Variants in MALRD1 observed in about 807,000 individuals in gnomAD.
MALRD1 encodes the protein MAM and LDL-receptor class A domain-containing protein 1.
MALRD1 carries 247 observed loss-of-function variants against 242.1 expected under a neutral mutation model. The observed-to-expected ratio is 1.02, with a 90% CI of 0.92 to 1.13. The LOEUF is 1.13. MALRD1 is among the 50% of genes most tolerant of loss of function. MALRD1 has a pLI of 0.00. For missense variants in MALRD1, 2,989 were observed against 2,533.1 expected (o/e 1.18, Z -3.86); for synonymous variants, 995 against 866.6 (o/e 1.15, Z -2.60).
intron 36 of MALRD1, among the ~76,000 whole-genome samples, chr10:19,678,173 A>T (rs907165216): frequency 6.6e-6 from 1 of 152,010 alleles, no homozygotes; most frequent in African/African-American, 2.4e-5. Context: ...TTTCCATATG[A>T]ATTTTAAGGT....
At chr10:19,631,485 T>C (rs1839903151) in intron 36 of MALRD1, among the ~76,000 whole-genome samples, 1 of 152,166 alleles carries the variant, frequency 6.6e-6, no homozygotes, top group African/African-American at 2.4e-5. Context: ...GGTAGGACAA[T>C]TTATATTCCT....
At position 19,359,415 on chromosome 10, in the gene MALRD1, A is replaced by AT. The variant is rs1844790237; in HGVS notation, c.4441+7120dup. 4.6e-5 allele frequency among the ~76,000 whole-genome samples: 7 copies of AT among 152,270 alleles called. 1 individual carries two copies. Among genetic ancestry groups the AT allele is most frequent in the Admixed American group, 4.6e-4 (7 of 15,262 alleles). On this transcript the variant is annotated intron_variant, in intron 26 of 39. Coordinates refer to ENST00000454679, the MANE Select transcript of MALRD1 (RefSeq NM_001142308.3). ...AAGTTCCATTCCAAATACAAGTTCC[A>AT]TTCCAAACTGGTAGACAAAGACGTT...
intron 22 of MALRD1, among the ~76,000 whole-genome samples, chr10:19,326,408 A>G (rs187464890): frequency 3.9e-4 from 59 of 152,216 alleles, no homozygotes; most frequent in African/African-American, 1.2e-3. Flanking sequence ...TCAATGCCTT[A>G]TTTTTGTGCA....
At chr10:19,308,505 A>G (rs1338769853) in intron 21 of MALRD1, among the ~76,000 whole-genome samples, 1 of 151,548 alleles carries the variant, frequency 6.6e-6, no homozygotes. Flanking sequence ...AACTTGGCCT[A>G]GGGGGAGTCT....
At position 19,729,283 on chromosome 10, in the gene MALRD1, G is replaced by A. The variant is rs372965897; in HGVS notation, c.6315-1423G>A. On this transcript the variant is annotated intron_variant, in intron 38 of 39. Coordinates refer to ENST00000454679, the MANE Select transcript of MALRD1 (RefSeq NM_001142308.3). Reference sequence around the variant, plus strand: ...TTATGCCTATGGCAATTTGTTTTCAGAAATCAAATCAGTAAGAGCCCCCTT... The same window carrying A: ...TTATGCCTATGGCAATTTGTTTTCAAAAATCAAATCAGTAAGAGCCCCCTT... Among the ~76,000 whole-genome samples the A allele has an allele frequency of 1.4e-4, 21 of 152,294 alleles. No homozygotes were observed. The East Asian group carries it at 3.7e-3, about 27-fold the overall frequency.
In MALRD1 at chr10:19,632,960, G is replaced by A. The variant is rs569802053; in HGVS notation, c.6137+17037G>A. On this transcript the variant is annotated intron_variant, in intron 36 of 39. Transcript: ENST00000454679. ...GAGAGTGGACTTCTGGGCCAGGCACGGTGGCTCATGCCTGAAATCCCAACA... is the reference window on the plus strand; with the variant it reads ...GAGAGTGGACTTCTGGGCCAGGCACAGTGGCTCATGCCTGAAATCCCAACA... Among the ~76,000 whole-genome samples the A allele has an allele frequency of 1.4e-4, 21 of 152,224 alleles. No individual in the cohort carries two copies. The East Asian group carries it at 2.9e-3, about 21-fold the overall frequency.
chr10:19,391,661 A>T (rs374654963), intron 28 of MALRD1, among the ~76,000 whole-genome samples: 1 of 152,196 alleles, frequency 6.6e-6, no homozygotes, highest in African/African-American at 2.4e-5. Flanking sequence ...GGAAGACTCG[A>T]CCTTTTGCAG....
At chr10:19,052,466 A>G (rs1834537672) in intron 1 of MALRD1, among the ~76,000 whole-genome samples, 1 of 152,186 alleles carries the variant, frequency 6.6e-6, no homozygotes, top group South Asian at 2.1e-4. Context: ...GTGTATTTAA[A>G]TTGATTCCCA....
At chr10:19,305,747 A>C (rs902763031) in intron 21 of MALRD1, among the ~76,000 whole-genome samples, 3 of 145,848 alleles carry the variant, frequency 2.1e-5, no homozygotes, top group Non-Finnish European at 3.0e-5. Context: ...AATTCTATAT[A>C]CAGAGAGTAT....
chr10:19,246,180 C>G (rs569789929), intron 18 of MALRD1, among the ~76,000 whole-genome samples: 1 of 152,270 alleles, frequency 6.6e-6, no homozygotes, highest in South Asian at 2.1e-4. Context: ...TCTCCCTCTA[C>G]TTTATCTGCT....
rs1293649060 is a variant in MALRD1, at chr10:19,389,979, T to A, written c.4845+370T>A. Among the ~76,000 whole-genome samples, 7 of 152,282 alleles carry A rather than the reference T, an allele frequency of 4.6e-5. No individual in the cohort carries two copies. The South Asian group carries it at 1.2e-3, about 27-fold the overall frequency. On this transcript the variant is annotated intron_variant, in intron 28 of 39. Transcript: ENST00000454679. ...ACCTGGCCCCTCTCTATAGGTGGCA[T>A]GTGGCCTGAGGGAGTTGACTTGGCT...
intron 5 of MALRD1, among the ~76,000 whole-genome samples, chr10:19,106,919 C>A (rs566408321): frequency 4.6e-5 from 7 of 151,816 alleles, no homozygotes; most frequent in Non-Finnish European, 8.8e-5. Context: ...GATTAATTTT[C>A]ATGTATTTGT....
chr10:19,184,734 G>C (rs1380523978), intron 14 of MALRD1, among the ~76,000 whole-genome samples: 1 of 152,112 alleles, frequency 6.6e-6, no homozygotes, highest in Non-Finnish European at 1.5e-5. Context: ...TTTTAGTGGA[G>C]ATGGGGTTTT....
chr10:19,232,811 C>G (rs996753825), intron 18 of MALRD1, among the ~76,000 whole-genome samples: 7 of 151,960 alleles, frequency 4.6e-5, no homozygotes, highest in Non-Finnish European at 1.0e-4. Context: ...ATATGTGTCC[C>G]CCACCCCAAC....
At chr10:19,576,459 C>T (rs1036510806) in intron 33 of MALRD1, among the ~76,000 whole-genome samples, 1 of 152,112 alleles carries the variant, frequency 6.6e-6, no homozygotes, top group Admixed American at 6.6e-5. Flanking sequence ...CAACAATAAA[C>T]CCTCCATGTA....
At chr10:19,099,816 C>T (rs1462579044) in intron 4 of MALRD1, among the ~76,000 whole-genome samples, 3 of 150,814 alleles carry the variant, frequency 2.0e-5, no homozygotes, top group Non-Finnish European at 2.9e-5. Context: ...CCCAGGTTGG[C>T]ATACAGTGGC....
rs572027455 is a variant in MALRD1 at position 19,200,536 on chromosome 10, A to G, written c.1952-3192A>G. Among the ~76,000 whole-genome samples, 8 of 152,006 alleles carry G rather than the reference A, an allele frequency of 5.3e-5. No individual in the cohort carries two copies. The East Asian group carries it at 1.5e-3, about 29-fold the overall frequency. Reference sequence around the variant, plus strand: ...TACACTTCATGTTTATTCCTTACCAACAAACCTCGGTAGAATCATACTGAA... The same window carrying G: ...TACACTTCATGTTTATTCCTTACCAGCAAACCTCGGTAGAATCATACTGAA... On this transcript the variant is annotated intron_variant, in intron 14 of 39. Coordinates refer to ENST00000454679, the MANE Select transcript of MALRD1 (RefSeq NM_001142308.3).
intron 38 of MALRD1, among the ~76,000 whole-genome samples, chr10:19,694,962 T>C (rs1223461186): frequency 1.3e-5 from 2 of 152,100 alleles, no homozygotes; most frequent in African/African-American, 4.8e-5. Context: ...CTCAGCAAAC[T>C]ACCACAAGGA....
chr10:19,068,163 A>C lies in MALRD1; in HGVS notation c.340+1304A>C, dbSNP rs150021873. ...TTTTACTCAGAAGGCTTTTTACAGC[A>C]CATATTTATTTACTGTAGACTTTTG... On this transcript the variant is annotated intron_variant, in intron 2 of 39. Coordinates refer to ENST00000454679, the MANE Select transcript of MALRD1 (RefSeq NM_001142308.3). Among the ~76,000 whole-genome samples, 388 of 152,012 alleles carry C rather than the reference A, an allele frequency of 2.6e-3. 2 individuals are homozygous for C. The highest frequency in any genetic ancestry group is 8.7e-3 in the African/African-American group (362 of 41,514).
Sources: gnomAD v4.1 joint callset for allele counts (sites outside exome capture counted in the v4.1 genomes callset) on GRCh38, gnomAD v4.1.1 for gene constraint, MANE v1.5 for transcripts, NCBI Gene and HGNC (gene_info 2026-07-23, HGNC 2026-07-21) for gene names.